APOL2: variants seen among roughly 807,000 people sequenced by gnomAD.
APOL2 encodes the protein apolipoprotein L2.
In APOL2, 8 loss-of-function variants were observed where a neutral mutation model predicts 7.1. The observed-to-expected ratio is 1.12, with a 90% CI of 0.66 to 2.03. The LOEUF (loss-of-function observed/expected upper bound fraction) is 2.03, where lower values mean the gene tolerates loss of function less well. Among genes scored for constraint, APOL2 ranks in the 30% most tolerant of loss-of-function variants. The pLI, the probability that APOL2 is intolerant of heterozygous loss-of-function variation, is 0.00. For synonymous variants in APOL2, 177 were observed against 159.9 expected (o/e 1.11, Z -0.81); for missense variants, 471 against 415.1 (o/e 1.13, Z -1.17).
intron 1 of APOL2, chr22:36,239,165 G>C: frequency 3.2e-6 from 4 of 1,240,580 alleles, no homozygotes; most frequent in Middle Eastern, 3.2e-4. Flanking sequence ...GGCCGTGTCT[G>C]AGGGTGTCAG....
intron 4 of APOL2, 21 bp from the exon 5 acceptor site, chr22:36,228,301 G>T (rs200092394): frequency 1.0e-4 from 166 of 1,593,588 alleles, no homozygotes; most frequent in Non-Finnish European, 1.3e-4. Flanking sequence ...AAAGGTTAAA[G>T]GATTAAGAAA....
At chr22:36,229,503 G>A (rs1026970939) in intron 4 of APOL2, among the ~76,000 whole-genome samples, 1 of 152,242 alleles carries the variant, frequency 6.6e-6, no homozygotes, top group Non-Finnish European at 1.5e-5. Flanking sequence ...ACAGCCTCCT[G>A]AGGACAATGA....
At chr22:36,237,492 T>A in intron 1 of APOL2, 2 of 657,704 alleles carry the variant, frequency 3.0e-6, no homozygotes, top group Non-Finnish European at 3.9e-6. Flanking sequence ...TGCTGTAGCC[T>A]AGAGCCCCTG....
In APOL2 at chr22:36,227,347, C is replaced by T. The variant is rs2015037449; in HGVS notation, c.*57G>A. The T allele has an allele frequency of 9.4e-7, 1 of 1,062,176 alleles. No individual in the cohort carries two copies. The highest frequency in any genetic ancestry group is 1.3e-6 in the Non-Finnish European group (1 of 746,258). 65.8% of individuals were successfully genotyped at this position (1,062,176 alleles called of 1,614,324 possible). A position where few individuals can be genotyped will look rare whatever the true frequency, so the allele number is the denominator to read the frequency against. On this transcript the variant is annotated 3_prime_UTR_variant, in exon 5 of 5. Transcript: ENST00000358502. ...AAAAAAAAAAAAAAAAAAAAGTCTG[C>T]ATTTTGTCCTGGCCTGTGCCCGGCA...
Position 36,227,266 on chromosome 22 carries a change from A to C in APOL2, c.*138T>G. ...GGGAGGCGGAGTTTGCAGTGAGCCG[A>C]GATTGAGCCACTGCACTCCATCCTG... is the stretch of plus-strand genomic sequence containing the variant. On this transcript the variant is annotated 3_prime_UTR_variant, in exon 5 of 5. Coordinates refer to ENST00000358502, the MANE Select transcript of APOL2 (RefSeq NM_030882.4). 1.8e-6 allele frequency: 2 copies of C among 1,091,678 alleles called. No individual in the cohort carries two copies. Among genetic ancestry groups the C allele is most frequent in the Non-Finnish European group, 2.5e-6 (2 of 798,694 alleles). 67.6% of individuals were successfully genotyped at this position (1,091,678 alleles called of 1,614,324 possible). A position where few individuals can be genotyped will look rare whatever the true frequency, so the allele number is the denominator to read the frequency against.
Position 36,227,569 on chromosome 22 carries a change from C to G in APOL2, c.849G>C (p.Leu283Phe), listed in dbSNP as rs2015050600. 1 of 1,614,248 alleles carries G rather than the reference C, an allele frequency of 6.2e-7. No homozygotes were observed. The highest frequency in any genetic ancestry group is 8.5e-7 in the Non-Finnish European group (1 of 1,180,046). The change falls in exon 5 of 5, where the codon TTG (leucine) becomes TTC (phenylalanine). Residue 283 changes from leucine to phenylalanine, a missense_variant. Coordinates refer to ENST00000358502, the MANE Select transcript of APOL2 (RefSeq NM_030882.4). ...CAAGGCTGACCACATCCAGCAGAAG[C>G]AAGATGCCTCCAGTGGCTGCACCCA... ...MIVGAATGGI[L>F]LLLDVVSLAY...
upstream of APOL2, chr22:36,239,860 G>A (rs575550562): frequency 7.6e-5 from 21 of 278,078 alleles, no homozygotes; most frequent in East Asian, 6.7e-4. Flanking sequence ...CCCCCGCCCC[G>A]ATCTCTGCAG....
At chr22:36,234,251 AT>A (rs1410279155) in intron 1 of APOL2, 1 of 152,256 alleles carries the variant, frequency 6.6e-6, no homozygotes, top group Non-Finnish European at 1.5e-5. Context: ...GCCACTCTGT[AT>A]GAAAACTGTA....
chr22:36,227,341 A>T lies in APOL2; in HGVS notation c.*63T>A, dbSNP rs2015036983. 12 of 1,176,850 alleles carry T rather than the reference A, an allele frequency of 1.0e-5. No individual in the cohort carries two copies. The South Asian group carries it at 1.1e-4, about 10-fold the overall frequency. 72.9% of individuals were successfully genotyped at this position (1,176,850 alleles called of 1,614,324 possible). On this transcript the variant is annotated 3_prime_UTR_variant, in exon 5 of 5. Transcript: ENST00000358502. ...AAAAAAAAAAAAAAAAAAAAAAAAA[A>T]GTCTGCATTTTGTCCTGGCCTGTGC...
At chr22:36,229,013 A>T (rs954286947) in intron 4 of APOL2, among the ~76,000 whole-genome samples, 12 of 152,256 alleles carry the variant, frequency 7.9e-5, no homozygotes, top group African/African-American at 2.2e-4. Context: ...TGGGCTCTTC[A>T]GAGCTTCTTC....
chr22:36,229,838 T>C (rs1463209235), intron 4 of APOL2, among the ~76,000 whole-genome samples: 3 of 152,192 alleles, frequency 2.0e-5, no homozygotes, highest in African/African-American at 7.2e-5. Context: ...CCTCATGCCC[T>C]TTCACCTGGC....
chr22:36,227,407 T>C lies in APOL2; in HGVS notation c.1011A>G (p.Gln337=), dbSNP rs1245476076. The C allele has an allele frequency of 3.7e-6, 6 of 1,605,634 alleles. No individual in the cohort carries two copies. In the South Asian group the frequency reaches 5.6e-5, roughly 15 times the overall value. ...TGGTGGCTGCACTGCTCTGGGGTCATTGGTCTTGGCCTGGCTGCAGCATCT... is the reference window on the plus strand; with the variant it reads ...TGGTGGCTGCACTGCTCTGGGGTCACTGGTCTTGGCCTGGCTGCAGCATCT... ...IHEMLQPGQD[Q] is the part of the protein sequence containing the mutation. The change falls in exon 5 of 5, where the codon CAA becomes CAG. Residue 337 remains glutamine (Q), a synonymous_variant. Transcript: ENST00000358502.
rs28599176 is a variant in APOL2 at position 36,237,223 on chromosome 22, G to A, written c.-134+2218C>T. ...GTGTACTCCATGGGTGAGCCTGCAGGCTGGTCAATTCCGGTGTCCAACTGA... is the reference window on the plus strand; with the variant it reads ...GTGTACTCCATGGGTGAGCCTGCAGACTGGTCAATTCCGGTGTCCAACTGA... On this transcript the variant is annotated intron_variant, in intron 1 of 4. Transcript: ENST00000358502. 2,719 of 1,382,256 alleles carry A rather than the reference G, an allele frequency of 2.0e-3. 36 individuals carry two copies. In the African/African-American group the frequency reaches 0.031, roughly 16 times the overall value. 85.6% of individuals were successfully genotyped at this position (1,382,256 alleles called of 1,614,324 possible).
rs142711250 is a variant in APOL2, at chr22:36,227,173, G to T, written c.*231C>A. The T allele has an allele frequency of 7.0e-6, 3 of 426,356 alleles. No individual in the cohort carries two copies. The South Asian group carries it at 1.4e-4, about 20-fold the overall frequency. The allele number at this position is 426,356 out of a possible 1,614,324, so 26.4% of individuals were successfully genotyped here. The stretch of plus-strand genomic sequence containing the variant: ...CAGTGAAAATACAAAAAAATTAGCC[G>T]GGCGTGGTGGCAGGTGCCTGTAGTC... On this transcript the variant is annotated 3_prime_UTR_variant, in exon 5 of 5. Coordinates refer to ENST00000358502, the MANE Select transcript of APOL2 (RefSeq NM_030882.4).
chr22:36,233,358 T>A, intron 2 of APOL2, 44 bp downstream of exon 2: 2 of 1,565,932 alleles, frequency 1.3e-6, no homozygotes, highest in Non-Finnish European at 1.7e-6. Context: ...GTCCAGAGTG[T>A]TTATCTCCTG....
At chr22:36,239,124 C>T in intron 1 of APOL2, 1 of 1,202,154 alleles carries the variant, frequency 8.3e-7, no homozygotes, top group Non-Finnish European at 1.0e-6. Context: ...GATGGGCACC[C>T]CCAACACCTA....
At chr22:36,230,417 C>T (rs890747835) in intron 4 of APOL2, among the ~76,000 whole-genome samples, 2 of 152,092 alleles carry the variant, frequency 1.3e-5, no homozygotes, top group African/African-American at 2.4e-5. Flanking sequence ...AAGAAATATC[C>T]CTCTCCCACT....
chr22:36,227,820 C>A lies in APOL2; in HGVS notation c.598G>T (p.Gly200Cys), dbSNP rs201648643. The A allele has an allele frequency of 1.2e-4, 190 of 1,614,100 alleles. 2 individuals are homozygous for A. The highest frequency in any genetic ancestry group is 9.4e-5 in the Non-Finnish European group (111 of 1,180,052). Residue 200 changes from glycine (G) to cysteine (C), a missense_variant, in exon 5 of 5, where the codon GGT becomes TGT. Physicochemically the swap from Gly to Cys is radical, Grantham distance 159. Transcript: ENST00000358502. ...NVAKVMKEFV[G>C]GNTPNVLTLV... ...GTAAGAACATTGGGTGTGTTCCCAC[C>A]CACAAACTCCTTCATCACCTTTGCT...
rs992621007 is a variant in APOL2, at chr22:36,226,869, C to T, written c.*535G>A. On this transcript the variant is annotated 3_prime_UTR_variant, in exon 5 of 5. Coordinates refer to ENST00000358502, the MANE Select transcript of APOL2 (RefSeq NM_030882.4). ...CCACACTCTCCAGTCCTCTCTCCTCCCTTATTGCAGGCTCCAGTGTTCCTG... is the reference window on the plus strand; with the variant it reads ...CCACACTCTCCAGTCCTCTCTCCTCTCTTATTGCAGGCTCCAGTGTTCCTG... 92 of 160,756 alleles carry T rather than the reference C, an allele frequency of 5.7e-4. No individual in the cohort carries two copies. The highest frequency in any genetic ancestry group is 1.8e-4 in the Non-Finnish European group (13 of 73,242). 10.0% of individuals were successfully genotyped at this position (160,756 alleles called of 1,614,324 possible).
Sources: allele counts gnomAD v4.1 joint callset (sites outside exome capture counted in the v4.1 genomes callset), GRCh38; gene constraint gnomAD v4.1.1; transcripts MANE v1.5; gene names NCBI Gene and HGNC (gene_info 2026-07-23, HGNC 2026-07-21).